GPC6: variants seen among roughly 807,000 people sequenced by gnomAD.
GPC6 encodes the protein glypican 6.
In GPC6, 14 loss-of-function variants were observed where a neutral mutation model predicts 55.2. That is an observed-to-expected ratio of 0.25 (90% CI 0.17 to 0.40). The LOEUF is 0.40. GPC6 is among the 10% of genes least tolerant of loss of function. GPC6 has a pLI of 1.00. For missense variants in GPC6, 641 were observed against 708.5 expected (o/e 0.90, Z 1.08); for synonymous variants, 278 against 259.6 (o/e 1.07, Z -0.68).
At chr13:94,342,158 A>T (rs985894082) in intron 6 of GPC6, among the ~76,000 whole-genome samples, 28 of 152,218 alleles carry the variant, frequency 1.8e-4, no homozygotes, top group Admixed American at 1.8e-3. Context: ...ACTACTATTT[A>T]TTTCGTTCCA....
intron 1 of GPC6, among the ~76,000 whole-genome samples, chr13:93,386,750 G>A (rs1156880585): frequency 2.6e-5 from 4 of 152,082 alleles, no homozygotes; most frequent in Non-Finnish European, 5.9e-5. Context: ...TCACATTTTT[G>A]GAGACCAGAA....
chr13:94,046,721 G>C (rs182808152), intron 4 of GPC6, among the ~76,000 whole-genome samples: 1 of 151,844 alleles, frequency 6.6e-6, no homozygotes, highest in Non-Finnish European at 1.5e-5. Flanking sequence ...GTTTTCCTGC[G>C]TTTGTGTGTC....
At chr13:94,233,847 T>C (rs549436495) in intron 4 of GPC6, among the ~76,000 whole-genome samples, 12 of 152,206 alleles carry the variant, frequency 7.9e-5, no homozygotes, top group Non-Finnish European at 1.6e-4. Context: ...CTCATAGTTA[T>C]ATATGTACAG....
At chr13:93,947,670 A>T (rs892977028) in intron 3 of GPC6, among the ~76,000 whole-genome samples, 5 of 152,198 alleles carry the variant, frequency 3.3e-5, no homozygotes, top group Admixed American at 2.0e-4. Context: ...ATATATGGGA[A>T]TTAACACTGC....
chr13:94,271,382 G>GCACACACA lies in GPC6; in HGVS notation c.878-14947_878-14940dup, dbSNP rs60762188. On this transcript the variant is annotated intron_variant, in intron 4 of 8. Coordinates refer to ENST00000377047, the MANE Select transcript of GPC6 (RefSeq NM_005708.5). ...CACACACACACGCGCGCGCGCGCGC[G>GCACACACA]CACACACACACACACACACACACAC... Among the ~76,000 whole-genome samples the GCACACACA allele has an allele frequency of 5.8e-3, 736 of 126,756 alleles. 4 individuals are homozygous for GCACACACA. The highest frequency in any genetic ancestry group is 8.5e-3 in the Non-Finnish European group (485 of 57,294). The allele number at this position is 126,756 out of a possible 152,430, so 83.2% of individuals were successfully genotyped here.
intron 2 of GPC6, among the ~76,000 whole-genome samples, chr13:93,756,821 G>A (rs1187750688): frequency 6.6e-6 from 1 of 152,090 alleles, no homozygotes; most frequent in African/African-American, 2.4e-5. Context: ...TGTTTTAGAG[G>A]CTTGATAGGG....
At chr13:94,173,473 C>T (rs1265395433) in intron 4 of GPC6, among the ~76,000 whole-genome samples, 2 of 152,038 alleles carry the variant, frequency 1.3e-5, no homozygotes, top group South Asian at 2.1e-4. Context: ...TTGGTGACTT[C>T]GAGAATTCCT....
At chr13:93,371,315 T>C (rs1411516048) in intron 1 of GPC6, among the ~76,000 whole-genome samples, 1 of 152,074 alleles carries the variant, frequency 6.6e-6, no homozygotes, top group African/African-American at 2.4e-5. Flanking sequence ...AGGATTATAT[T>C]AAATAGGTTT....
upstream of GPC6, among the ~76,000 whole-genome samples, chr13:93,222,160 G>A (rs539267596): frequency 1.3e-5 from 2 of 152,186 alleles, no homozygotes; most frequent in South Asian, 4.1e-4. Flanking sequence ...TGTAAAACAT[G>A]AACCAAATGC....
At chr13:93,572,326 C>T (rs944577129) in intron 2 of GPC6, among the ~76,000 whole-genome samples, 3 of 152,100 alleles carry the variant, frequency 2.0e-5, no homozygotes, top group Non-Finnish European at 4.4e-5. Flanking sequence ...TGTACCCTTT[C>T]ACATCAGAAA....
chr13:93,606,217 C>A (rs7982191), intron 2 of GPC6, among the ~76,000 whole-genome samples: 1 of 152,030 alleles, frequency 6.6e-6, no homozygotes, highest in African/African-American at 2.4e-5. Flanking sequence ...AATGAGTGCA[C>A]GGACAATGGA....
In GPC6 at chr13:93,669,568, A is replaced by G. The variant is rs142256897; in HGVS notation, c.319+124147A>G. Reference sequence around the variant, plus strand: ...GGGATTCTAAGTGGGACTGGGATGCAGAACAGCAAGACAGGTGCATTGGGT... The same window carrying G: ...GGGATTCTAAGTGGGACTGGGATGCGGAACAGCAAGACAGGTGCATTGGGT... On this transcript the variant is annotated intron_variant, in intron 2 of 8. Transcript: ENST00000377047. Among the ~76,000 whole-genome samples the G allele has an allele frequency of 4.9e-3, 753 of 152,338 alleles. 6 individuals carry two copies. Among genetic ancestry groups the G allele is most frequent in the African/African-American group, 0.017 (694 of 41,586 alleles).
chr13:94,350,104 G>C (rs1397498212), intron 6 of GPC6, among the ~76,000 whole-genome samples: 2 of 139,606 alleles, frequency 1.4e-5, no homozygotes, highest in Non-Finnish European at 3.2e-5. Context: ...TATGTGTGCA[G>C]TGTGTGTGTA....
At chr13:93,772,529 A>G (rs1458998501) in intron 2 of GPC6, among the ~76,000 whole-genome samples, 1 of 152,096 alleles carries the variant, frequency 6.6e-6, no homozygotes, top group Non-Finnish European at 1.5e-5. Context: ...ATTGAGAGGA[A>G]GAGTTTTAAA....
intron 1 of GPC6, among the ~76,000 whole-genome samples, chr13:93,388,517 A>G (rs1183287897): frequency 6.6e-6 from 1 of 152,166 alleles, no homozygotes; most frequent in African/African-American, 2.4e-5. Context: ...TTCCCCCTGG[A>G]TGCTATACCT....
At chr13:93,691,096 C>G (rs1437198167) in intron 2 of GPC6, among the ~76,000 whole-genome samples, 1 of 152,078 alleles carries the variant, frequency 6.6e-6, no homozygotes, top group Non-Finnish European at 1.5e-5. Flanking sequence ...TCTTTCCTTA[C>G]CAAATAAAGA....
At chr13:94,045,764 C>T (rs1252929545) in intron 4 of GPC6, among the ~76,000 whole-genome samples, 2 of 148,290 alleles carry the variant, frequency 1.3e-5, no homozygotes, top group South Asian at 4.3e-4. Context: ...AAAAAAAATG[C>T]CCTACCATGA....
chr13:93,455,398 T>C (rs999384821), intron 1 of GPC6, among the ~76,000 whole-genome samples: 6 of 152,028 alleles, frequency 3.9e-5, no homozygotes, highest in African/African-American at 1.4e-4. Context: ...GAGGTTGATG[T>C]TTTGATCAAC....
At chr13:94,339,842 C>T (rs1027202796) in intron 6 of GPC6, among the ~76,000 whole-genome samples, 2 of 137,764 alleles carry the variant, frequency 1.5e-5, no homozygotes, top group African/African-American at 5.5e-5. Context: ...GGGCTTGCCT[C>T]AACCTCCAAC....
Sources: allele counts gnomAD v4.1 joint callset (sites outside exome capture counted in the v4.1 genomes callset), GRCh38; gene constraint gnomAD v4.1.1; transcripts MANE v1.5; gene names NCBI Gene and HGNC (gene_info 2026-07-23, HGNC 2026-07-21).